The following MEI4 variants were observed in gnomAD, a reference collection of about 807,000 sequenced individuals.
MEI4 encodes meiotic double-stranded break formation protein 4, also known as meiosis-specific protein MEI4.
Under a neutral mutation model 31.4 loss-of-function variants are expected in MEI4, and 27 were observed. The observed-to-expected ratio is 0.86, with a 90% confidence interval of 0.63 to 1.19. The LOEUF (loss-of-function observed/expected upper bound fraction) is 1.19, where lower values mean the gene tolerates loss of function less well. Ranked by LOEUF, MEI4 falls within the 50% of genes most tolerant of loss-of-function variation. MEI4 has a pLI of 0.00. For missense variants in MEI4, 329 were observed against 398.9 expected (o/e 0.82, Z 1.49); for synonymous variants, 122 against 145.4 (o/e 0.84, Z 1.16).
chr6:77,881,380 C>A (rs1483046619), intron 4 of MEI4, among the ~76,000 whole-genome samples: 2 of 152,122 alleles, frequency 1.3e-5, no homozygotes, highest in Non-Finnish European at 2.9e-5. Flanking sequence ...ACATTCTGGA[C>A]AAAGTATACC....
chr6:77,814,852 T>G (rs554978532), intron 3 of MEI4, among the ~76,000 whole-genome samples: 1 of 152,256 alleles, frequency 6.6e-6, no homozygotes, highest in East Asian at 1.9e-4. Flanking sequence ...CCACAGACTT[T>G]CTGTGATTCC....
chr6:77,845,270 T>C (rs866745702), intron 4 of MEI4, among the ~76,000 whole-genome samples: 2 of 152,196 alleles, frequency 1.3e-5, no homozygotes, highest in South Asian at 2.1e-4. Flanking sequence ...GATCATCTTT[T>C]AGTATTAAGT....
intron 3 of MEI4, among the ~76,000 whole-genome samples, chr6:77,770,922 G>GA (rs1049195652): frequency 2.0e-5 from 3 of 152,018 alleles, no homozygotes; most frequent in Non-Finnish European, 4.4e-5. Flanking sequence ...TGCAGCAAAA[G>GA]AAAAAATTGA....
chr6:77,661,782 G>A (rs1768515237), intron 1 of MEI4, among the ~76,000 whole-genome samples: 2 of 152,082 alleles, frequency 1.3e-5, no homozygotes, highest in Admixed American at 6.6e-5. Context: ...CATTTGCCTT[G>A]TGTGGGAAGA....
chr6:77,733,194 A>T (rs1767064455), intron 2 of MEI4, among the ~76,000 whole-genome samples: 1 of 151,876 alleles, frequency 6.6e-6, no homozygotes, highest in African/African-American at 2.4e-5. Flanking sequence ...ATAGTTTCAG[A>T]AGGAATGGTA....
chr6:77,875,269 A>G (rs764679238), intron 4 of MEI4, among the ~76,000 whole-genome samples: 16 of 152,094 alleles, frequency 1.1e-4, no homozygotes, highest in Non-Finnish European at 1.9e-4. Flanking sequence ...TTTATTTCCT[A>G]TCTCCTCGCT....
intron 4 of MEI4, among the ~76,000 whole-genome samples, chr6:77,885,095 T>TG (rs1041318739): frequency 1.5e-5 from 2 of 136,844 alleles, no homozygotes; most frequent in Admixed American, 7.3e-5. Context: ...TATACCTAGG[T>TG]GTTTTTTGTG....
chr6:77,921,164 C>T (rs1766693627), intron 4 of MEI4, among the ~76,000 whole-genome samples: 1 of 151,782 alleles, frequency 6.6e-6, no homozygotes. Flanking sequence ...TTAGTGTAGC[C>T]ACCTTCATTT....
chr6:77,801,612 C>T (rs948708675), intron 3 of MEI4, among the ~76,000 whole-genome samples: 3 of 152,222 alleles, frequency 2.0e-5, no homozygotes, highest in Middle Eastern at 3.4e-3. Context: ...CCTGCTTTCT[C>T]TTGTGGGCAT....
At chr6:77,852,280 C>T (rs1770644329) in intron 4 of MEI4, among the ~76,000 whole-genome samples, 1 of 152,152 alleles carries the variant, frequency 6.6e-6, no homozygotes, top group Non-Finnish European at 1.5e-5. Context: ...AATAAAATAA[C>T]TTTCTTCAAG....
intron 2 of MEI4, among the ~76,000 whole-genome samples, chr6:77,760,185 CAT>C (rs1436766279): frequency 5.3e-5 from 8 of 152,162 alleles, no homozygotes; most frequent in South Asian, 2.1e-4. Context: ...CATACACACA[CAT>C]GTGTACATAC....
intron 2 of MEI4, among the ~76,000 whole-genome samples, chr6:77,709,879 A>G (rs1015051860): frequency 2.0e-5 from 3 of 152,060 alleles, no homozygotes; most frequent in Non-Finnish European, 4.4e-5. Context: ...TCATGTGTTT[A>G]TTTTTTATTC....
At chr6:77,665,306 G>A (rs1354974720) in intron 1 of MEI4, among the ~76,000 whole-genome samples, 2 of 152,078 alleles carry the variant, frequency 1.3e-5, no homozygotes, top group Admixed American at 6.6e-5. Context: ...AGTGGGACTT[G>A]CCACTAAGGG....
chr6:77,755,825 GGTGT>G (rs34181852), intron 2 of MEI4, among the ~76,000 whole-genome samples: 60 of 145,230 alleles, frequency 4.1e-4, no homozygotes, highest in Middle Eastern at 7.5e-3. Flanking sequence ...GTGCTGGAAT[GGTGT>G]GTGTGTGTGT....
At chr6:77,781,451 A>T (rs1021354926) in intron 3 of MEI4, among the ~76,000 whole-genome samples, 1 of 152,180 alleles carries the variant, frequency 6.6e-6, no homozygotes, top group Non-Finnish European at 1.5e-5. Context: ...TAAACGAACC[A>T]TGTTGGTATT....
At chr6:77,743,235 G>T (rs962277681) in intron 2 of MEI4, among the ~76,000 whole-genome samples, 1 of 152,128 alleles carries the variant, frequency 6.6e-6, no homozygotes, top group Non-Finnish European at 1.5e-5. Flanking sequence ...TCATGATATT[G>T]ATTCTTCCTA....
At chr6:77,799,670 A>G (rs1769190330) in intron 3 of MEI4, among the ~76,000 whole-genome samples, 1 of 152,110 alleles carries the variant, frequency 6.6e-6, no homozygotes, top group Non-Finnish European at 1.5e-5. Flanking sequence ...TAATTTTTGT[A>G]TAAGGTGTAA....
chr6:77,704,009 T>C (rs60515211), intron 2 of MEI4, among the ~76,000 whole-genome samples: 3,120 of 152,138 alleles, frequency 0.021, 116 homozygotes, highest in African/African-American at 0.071. Context: ...GAGAGAAAAG[T>C]AGAAGATACA....
At chr6:77,736,746 C>T (rs1426767095) in intron 2 of MEI4, among the ~76,000 whole-genome samples, 1 of 152,014 alleles carries the variant, frequency 6.6e-6, no homozygotes, top group Non-Finnish European at 1.5e-5. Context: ...ATCACACAGT[C>T]TAGTGAGGGT....
Sources: allele counts gnomAD v4.1 joint callset (sites outside exome capture counted in the v4.1 genomes callset), GRCh38; gene constraint gnomAD v4.1.1; transcripts MANE v1.5; gene names NCBI Gene and HGNC (gene_info 2026-07-23, HGNC 2026-07-21).